The following EDNRB variants were observed in gnomAD, a reference collection of about 807,000 sequenced individuals.
EDNRB encodes the protein Hirschsprung disease 2.
EDNRB carries 18 observed loss-of-function variants against 46.4 expected under a neutral mutation model. The observed-to-expected ratio is 0.39, with a 90% CI of 0.27 to 0.57. EDNRB has a LOEUF of 0.57. Among genes scored for constraint, EDNRB ranks in the 20% least tolerant of loss-of-function variants. EDNRB has a pLI of 0.61. For missense variants in EDNRB, 434 were observed against 537.5 expected, an observed-to-expected ratio of 0.81 and a Z score of 1.90; for synonymous variants, 213 against 204.9, an observed-to-expected ratio of 1.04 and a Z score of -0.34.
intron 1 of EDNRB, among the ~76,000 whole-genome samples, chr13:77,912,001 T>C (rs1343358188): frequency 6.6e-6 from 1 of 152,104 alleles, no homozygotes; most frequent in Non-Finnish European, 1.5e-5. Flanking sequence ...ATTTGGCATG[T>C]TTCTCTAAAA....
At chr13:77,932,322 G>C (rs532727141) in intron 1 of EDNRB, among the ~76,000 whole-genome samples, 1 of 152,158 alleles carries the variant, frequency 6.6e-6, no homozygotes, top group South Asian at 2.1e-4. Flanking sequence ...ATCTATGTAG[G>C]GACATGTTGA....
At chr13:77,940,723 G>A (rs1304409481) in intron 1 of EDNRB, among the ~76,000 whole-genome samples, 1 of 143,162 alleles carries the variant, frequency 7.0e-6, no homozygotes, top group East Asian at 1.9e-4. Context: ...GTGTGTGTGT[G>A]TGTGTGTGTG....
chr13:77,909,473 C>A (rs1295118747), intron 1 of EDNRB, among the ~76,000 whole-genome samples: 1 of 151,948 alleles, frequency 6.6e-6, no homozygotes, highest in Non-Finnish European at 1.5e-5. Flanking sequence ...TTAACACACA[C>A]CCCTGTTAAT....
chr13:77,937,722 A>G (rs147755646), intron 1 of EDNRB, among the ~76,000 whole-genome samples: 2,174 of 152,220 alleles, frequency 0.014, 45 homozygotes, highest in East Asian at 0.024. Flanking sequence ...GAGGAGCAGA[A>G]GCTGAGGAAG....
intron 3 of EDNRB, among the ~76,000 whole-genome samples, chr13:77,902,918 T>TGGACC (rs2137610283): frequency 6.6e-6 from 1 of 152,114 alleles, no homozygotes; most frequent in Admixed American, 6.5e-5. Context: ...TTCTTTCATG[T>TGGACC]GGACCTGGTT....
In EDNRB at chr13:77,897,966, A is replaced by C. The variant is rs201899676; in HGVS notation, c.*234T>G. On this transcript the variant is annotated 3_prime_UTR_variant, in exon 7 of 7. Coordinates refer to ENST00000646607, the MANE Select transcript of EDNRB (RefSeq NM_001122659.3). ...TATGTTGAAGTGCTAACTGTAAAAA[A>C]TTAAGTGCTTTCACGACGAGGCTTT... 53 of 1,300,716 alleles carry C rather than the reference A, an allele frequency of 4.1e-5. No individual in the cohort carries two copies. Among genetic ancestry groups the C allele is most frequent in the Non-Finnish European group, 5.0e-5 (51 of 1,018,142 alleles). The allele number at this position is 1,300,716 out of a possible 1,614,324, so 80.6% of individuals were successfully genotyped here.
At chr13:77,927,973 C>T (rs1355104048) in intron 1 of EDNRB, among the ~76,000 whole-genome samples, 1 of 152,148 alleles carries the variant, frequency 6.6e-6, no homozygotes, top group Non-Finnish European at 1.5e-5. Flanking sequence ...CCTACACAAG[C>T]TCTCTTGCCT....
chr13:77,965,806 G>T (rs867491326), intron 1 of EDNRB, among the ~76,000 whole-genome samples: 30 of 152,120 alleles, frequency 2.0e-4, no homozygotes, highest in African/African-American at 7.2e-4. Context: ...TTCTTAAAAT[G>T]TAAGTAAGGC....
intron 1 of EDNRB, among the ~76,000 whole-genome samples, chr13:77,966,779 A>G (rs1479165062): frequency 6.6e-6 from 1 of 152,096 alleles, no homozygotes; most frequent in Non-Finnish European, 1.5e-5. Context: ...TCTTATATTT[A>G]TGATTTCTTC....
intron 5 of EDNRB, among the ~76,000 whole-genome samples, chr13:77,900,290 G>A (rs899015830): frequency 1.3e-5 from 2 of 151,724 alleles, no homozygotes; most frequent in African/African-American, 2.4e-5. Context: ...GACATTTTCC[G>A]CCTTGGCACT....
intron 1 of EDNRB, among the ~76,000 whole-genome samples, chr13:77,937,363 G>A (rs546118605): frequency 3.9e-5 from 6 of 152,230 alleles, no homozygotes; most frequent in African/African-American, 7.2e-5. Flanking sequence ...TGAAGCCAGC[G>A]GTTATCAGCG....
At chr13:77,901,914 G>C (rs1281668638) in intron 3 of EDNRB, among the ~76,000 whole-genome samples, 2 of 151,712 alleles carry the variant, frequency 1.3e-5, no homozygotes, top group African/African-American at 4.8e-5. Context: ...AGTTCATAAA[G>C]TTTTATTTAG....
At chr13:77,915,236 A>T (rs1356845110) in intron 1 of EDNRB, among the ~76,000 whole-genome samples, 1 of 152,204 alleles carries the variant, frequency 6.6e-6, no homozygotes, top group Non-Finnish European at 1.5e-5. Flanking sequence ...TGGTAAATTA[A>T]GCCATTAGAA....
At chr13:77,939,934 T>G (rs544809692) in intron 1 of EDNRB, 1 of 151,910 alleles carries the variant, frequency 6.6e-6, no homozygotes. Flanking sequence ...AGGTGGAGGT[T>G]GCGGCGAGTC....
rs112301945 is a variant in EDNRB, at chr13:77,939,899, T to C, written c.-51-21275A>G. The C allele has an allele frequency of 2.0e-5, 3 of 151,960 alleles. No homozygotes were observed. In the South Asian group the frequency reaches 6.2e-4, roughly 32 times the overall value. The allele number at this position is 151,960 out of a possible 1,614,324, so 9.4% of individuals were successfully genotyped here. A position where few individuals can be genotyped will look rare whatever the true frequency, so the allele number is the denominator to read the frequency against. The stretch of plus-strand genomic sequence containing the variant: ...TAGTCCCAGCTACTTGGGAGGCTGA[T>C]GCAGGAAAATCACTGGAACCCGGGA... On this transcript the variant is annotated intron_variant, in intron 1 of 7. Transcript: ENST00000646948.
chr13:77,923,944 T>C (rs9544635), upstream of EDNRB, among the ~76,000 whole-genome samples: 15,614 of 152,226 alleles, frequency 0.1, 887 homozygotes, highest in Middle Eastern at 0.18. Flanking sequence ...TTCTGCTAAT[T>C]ATTAAGCTCT....
rs910546447 is a variant in EDNRB, at chr13:77,934,687, G to C, written c.-51-16063C>G. Among the ~76,000 whole-genome samples the C allele has an allele frequency of 1.3e-4, 20 of 150,474 alleles. 1 individual carries two copies. Among genetic ancestry groups the C allele is most frequent in the African/African-American group, 3.4e-4 (14 of 41,068 alleles). ...AGCTTGATGTGTAGGAAAGGGGGGG[G>C]GGGGCCTGAATAGTCCCTGAGGAGT... On this transcript the variant is annotated intron_variant, in intron 1 of 7. Coordinates refer to the EDNRB transcript ENST00000646948.
chr13:77,928,284 A>G (rs1880295686), intron 1 of EDNRB, among the ~76,000 whole-genome samples: 1 of 152,174 alleles, frequency 6.6e-6, no homozygotes, highest in Non-Finnish European at 1.5e-5. Flanking sequence ...ATCATATTTT[A>G]AAGCTGTACT....
In EDNRB at chr13:77,901,346, T is replaced by C. The variant is rs12720193; in HGVS notation, c.802-139A>G. ...CAGTTTGTATATATCATACAGAATC[T>C]TTCAGGCCACACTTACTGAACAAAT... On this transcript the variant is annotated intron_variant, in intron 3 of 6. Transcript: ENST00000646607. The C allele has an allele frequency of 2.3e-3, 2,163 of 924,460 alleles. 39 individuals carry two copies. In the African/African-American group the frequency reaches 0.03, roughly 13 times the overall value. The allele number at this position is 924,460 out of a possible 1,614,324, so 57.3% of individuals were successfully genotyped here.
Sources: gnomAD v4.1 joint callset for allele counts (sites outside exome capture counted in the v4.1 genomes callset) on GRCh38, gnomAD v4.1.1 for gene constraint, MANE v1.5 for transcripts, NCBI Gene and HGNC (gene_info 2026-07-23, HGNC 2026-07-21) for gene names.